Variants in B3GALT1 observed in about 807,000 individuals in gnomAD.
B3GALT1 encodes the protein UDP-Gal:betaGlcNAc beta 1,3-galactosyltransferase, polypeptide 1.
In B3GALT1, 10 loss-of-function variants were observed where a neutral mutation model predicts 23.2. That is an observed-to-expected ratio of 0.43 (90% CI 0.27 to 0.73). The LOEUF (loss-of-function observed/expected upper bound fraction) is 0.73. Among genes scored for constraint, B3GALT1 ranks in the 30% least tolerant of loss-of-function variants. B3GALT1 has a pLI of 0.21. For missense variants in B3GALT1, 299 were observed against 405.4 expected (o/e 0.74, Z 2.25); for synonymous variants, 156 against 141.5 (o/e 1.10, Z -0.73).
chr2:167,662,939 T>C (rs1390749386), intron 3 of B3GALT1, among the ~76,000 whole-genome samples: 3 of 152,056 alleles, frequency 2.0e-5, no homozygotes, highest in Non-Finnish European at 4.4e-5. Flanking sequence ...CACTTTCTTT[T>C]TTTTTATTGT....
chr2:167,831,179 C>CCTGTCT (rs1279051936), intron 4 of B3GALT1, among the ~76,000 whole-genome samples: 3 of 152,200 alleles, frequency 2.0e-5, no homozygotes, highest in Admixed American at 1.3e-4. Context: ...CTGTCCCTCT[C>CCTGTCT]CTGTCTGAAT....
At chr2:167,591,526 G>A (rs987123218) in intron 2 of B3GALT1, among the ~76,000 whole-genome samples, 10 of 151,974 alleles carry the variant, frequency 6.6e-5, no homozygotes, top group African/African-American at 1.5e-4. Flanking sequence ...GGTGAAGTGC[G>A]GTGGTGCAGT....
intron 1 of B3GALT1, among the ~76,000 whole-genome samples, chr2:167,295,950 G>C (rs191997187): frequency 2.0e-5 from 3 of 152,330 alleles, no homozygotes; most frequent in Non-Finnish European, 4.4e-5. Context: ...AAATGATGCA[G>C]AGTTGGGGTT....
Position 167,559,961 on chromosome 2 carries a change from A to C in B3GALT1, c.-410+69684A>C, listed in dbSNP as rs561356210. ...ATTCAGGAAATACAGAGAATGCCAC[A>C]AAGATACTCCTCGAGAAGAGCAACT... On this transcript the variant is annotated intron_variant, in intron 2 of 4. Coordinates refer to ENST00000392690, the MANE Select transcript of B3GALT1 (RefSeq NM_020981.4). Among the ~76,000 whole-genome samples, 7 of 152,272 alleles carry C rather than the reference A, an allele frequency of 4.6e-5. 1 individual carries two copies. The South Asian group carries it at 1.2e-3, about 27-fold the overall frequency.
At chr2:167,633,418 C>G (rs1283308956) in intron 2 of B3GALT1, among the ~76,000 whole-genome samples, 1 of 151,544 alleles carries the variant, frequency 6.6e-6, no homozygotes, top group Non-Finnish European at 1.5e-5. Context: ...TTCAGGAGAC[C>G]CATCTCACAT....
At chr2:167,686,976 G>C (rs962601035) in intron 3 of B3GALT1, among the ~76,000 whole-genome samples, 1 of 152,184 alleles carries the variant, frequency 6.6e-6, no homozygotes, top group African/African-American at 2.4e-5. Flanking sequence ...AATCTGCCAG[G>C]AAGAGATCTT....
At chr2:167,563,179 A>T (rs1429247455) in intron 2 of B3GALT1, among the ~76,000 whole-genome samples, 1 of 151,600 alleles carries the variant, frequency 6.6e-6, no homozygotes, top group Non-Finnish European at 1.5e-5. Flanking sequence ...CCTCCCAGAC[A>T]GGGTGGTGGC....
chr2:167,318,449 G>C (rs1474620786), intron 1 of B3GALT1, among the ~76,000 whole-genome samples: 1 of 151,906 alleles, frequency 6.6e-6, no homozygotes, highest in Non-Finnish European at 1.5e-5. Context: ...CTATTTTTAT[G>C]AGTGTGTCCC....
At chr2:167,301,362 A>C (rs138099272) in intron 1 of B3GALT1, among the ~76,000 whole-genome samples, 1 of 152,190 alleles carries the variant, frequency 6.6e-6, no homozygotes, top group Non-Finnish European at 1.5e-5. Flanking sequence ...CTTTCTGGGT[A>C]CCATCACTGA....
intron 3 of B3GALT1, among the ~76,000 whole-genome samples, chr2:167,725,269 C>T (rs1414797132): frequency 6.6e-6 from 1 of 152,178 alleles, no homozygotes; most frequent in Non-Finnish European, 1.5e-5. Flanking sequence ...GTCCTAGAAG[C>T]ACTGACTGGC....
chr2:167,776,042 A>G (rs13010135), intron 3 of B3GALT1, among the ~76,000 whole-genome samples: 3 of 66,544 alleles, frequency 4.5e-5, no homozygotes, highest in Non-Finnish European at 3.9e-5. Flanking sequence ...GCAACTGTGC[A>G]CACACACACA....
At chr2:167,661,952 G>C (rs1686067204) in intron 3 of B3GALT1, among the ~76,000 whole-genome samples, 1 of 151,888 alleles carries the variant, frequency 6.6e-6, no homozygotes, top group Non-Finnish European at 1.5e-5. Flanking sequence ...ATCTCACTCT[G>C]GGACATTTTC....
chr2:167,388,647 C>T (rs1443808234), intron 1 of B3GALT1, among the ~76,000 whole-genome samples: 1 of 152,038 alleles, frequency 6.6e-6, no homozygotes, highest in Non-Finnish European at 1.5e-5. Flanking sequence ...GTTCTCAAGC[C>T]TAGCTACACA....
At chr2:167,633,518 A>T (rs1685493429) in intron 2 of B3GALT1, among the ~76,000 whole-genome samples, 1 of 152,128 alleles carries the variant, frequency 6.6e-6, no homozygotes, top group East Asian at 1.9e-4. Flanking sequence ...AACAAAAAAA[A>T]ACCAGGGGTT....
intron 4 of B3GALT1, among the ~76,000 whole-genome samples, chr2:167,845,705 C>T (rs1689742119): frequency 6.6e-6 from 1 of 151,458 alleles, no homozygotes; most frequent in East Asian, 1.9e-4. Flanking sequence ...ACACCGCGCC[C>T]CCACCCCCCC....
intron 3 of B3GALT1, among the ~76,000 whole-genome samples, chr2:167,666,842 GTC>G (rs1686203514): frequency 6.6e-6 from 1 of 152,134 alleles, no homozygotes; most frequent in South Asian, 2.1e-4. Context: ...GCTTATGTGT[GTC>G]TCTGCCTGTG....
intron 3 of B3GALT1, chr2:167,715,841 C>G (rs1372988310): frequency 6.2e-7 from 1 of 1,613,858 alleles, no homozygotes; most frequent in Admixed American, 1.7e-5. Flanking sequence ...AAGTTTTTTT[C>G]TCTCTTCCCA....
At position 167,368,278 on chromosome 2, in the gene B3GALT1, A is replaced by C. The variant is rs377093299; in HGVS notation, c.-511+74944A>C. Among the ~76,000 whole-genome samples, 6 of 152,280 alleles carry C rather than the reference A, an allele frequency of 3.9e-5. No homozygotes were observed. In the South Asian group the frequency reaches 1.2e-3, roughly 32 times the overall value. On this transcript the variant is annotated intron_variant, in intron 1 of 4. Transcript: ENST00000392690. Reference sequence around the variant, plus strand: ...CTCAATTGCCTTGGAATTTATCCCAATTTTTTTATTGCTTTACATAACAAT... The same window carrying C: ...CTCAATTGCCTTGGAATTTATCCCACTTTTTTTATTGCTTTACATAACAAT...
chr2:167,573,278 A>G (rs1684327412), intron 2 of B3GALT1, among the ~76,000 whole-genome samples: 1 of 151,864 alleles, frequency 6.6e-6, no homozygotes, highest in Non-Finnish European at 1.5e-5. Flanking sequence ...TGATTATCCC[A>G]GCAAATTGCT....
Sources: gnomAD v4.1 joint callset for allele counts (sites outside exome capture counted in the v4.1 genomes callset) on GRCh38, gnomAD v4.1.1 for gene constraint, MANE v1.5 for transcripts, NCBI Gene and HGNC (gene_info 2026-07-23, HGNC 2026-07-21) for gene names.